ERF: variants seen among roughly 807,000 people sequenced by gnomAD.
ERF encodes ETS domain-containing transcription factor ERF.
In ERF, 10 loss-of-function variants were observed where a neutral mutation model predicts 41.6. The ratio of observed to expected loss-of-function variants is 0.24; its 90% CI spans 0.15 to 0.41. The LOEUF (loss-of-function observed/expected upper bound fraction) is 0.41. ERF is among the 10% of genes least tolerant of loss of function. ERF has a pLI of 1.00. For synonymous variants in ERF, 395 were observed against 342.4 expected (o/e 1.15, Z -1.70); for missense variants, 621 against 763.2 (o/e 0.81, Z 2.19).
Position 42,250,129 on chromosome 19 carries a change from T to G in ERF, c.258-187A>C. 3 of 743,010 alleles carry G rather than the reference T, an allele frequency of 4.0e-6. No individual in the cohort carries two copies. Among genetic ancestry groups the G allele is most frequent in the African/African-American group, 3.5e-5 (2 of 57,132 alleles). The allele number at this position is 743,010 out of a possible 1,614,324, so 46.0% of individuals were successfully genotyped here. ...TCACATCTAAGGCAGGACTAGAGGA[T>G]CCACTGGTGACTGTAATCTCTCCTC... On this transcript the variant is annotated intron_variant, in intron 2 of 3. Transcript: ENST00000222329. This position sits in a 1 kb window ranked among gnomAD's most constrained non-coding sequence, Gnocchi z 5.1.
In ERF at chr19:42,250,716, G is replaced by A. The variant is rs969447755; in HGVS notation, c.23-151C>T. On this transcript the variant is annotated intron_variant, in intron 1 of 3. Transcript: ENST00000222329. This position sits in a 1 kb window ranked among gnomAD's most constrained non-coding sequence, Gnocchi z 5.1. Reference sequence around the variant, plus strand: ...AAGATCTGATTTAAGAGAAGACAGTGCGTGTCTGTCTGTCTGCATGTGAGG... The same window carrying A: ...AAGATCTGATTTAAGAGAAGACAGTACGTGTCTGTCTGTCTGCATGTGAGG... The A allele has an allele frequency of 3.8e-5, 30 of 783,034 alleles. No homozygotes were observed. Among genetic ancestry groups the A allele is most frequent in the Non-Finnish European group, 5.1e-5 (25 of 493,592 alleles). The allele number at this position is 783,034 out of a possible 1,614,324, so 48.5% of individuals were successfully genotyped here. A position where few individuals can be genotyped will look rare whatever the true frequency, so the allele number is the denominator to read the frequency against.
At chr19:42,253,990 G>A in intron 1 of ERF, 6 of 974,806 alleles carry the variant, frequency 6.2e-6, no homozygotes, top group Non-Finnish European at 7.3e-6. Context: ...GGGGGCGGCT[G>A]GGACCCCTCC....
chr19:42,255,004 G>C lies in ERF; in HGVS notation c.-5C>G, dbSNP rs755890191. ...TGTGTCCGCCGGGGTCTTCATGCTG[G>C]GGGGCCCGGGGCGAAGCGCCCCGAT... On this transcript the variant is annotated 5_prime_UTR_variant, in exon 1 of 4. Coordinates refer to ENST00000222329, the MANE Select transcript of ERF (RefSeq NM_006494.4). The C allele has an allele frequency of 2.1e-6, 3 of 1,441,208 alleles. No individual in the cohort carries two copies. The allele number at this position is 1,441,208 out of a possible 1,614,324, so 89.3% of individuals were successfully genotyped here. A position where few individuals can be genotyped will look rare whatever the true frequency, so the allele number is the denominator to read the frequency against.
At chr19:42,253,322 TGGA>T (rs1315860400) in intron 1 of ERF, among the ~76,000 whole-genome samples, 1 of 151,822 alleles carries the variant, frequency 6.6e-6, no homozygotes, top group Non-Finnish European at 1.5e-5. Context: ...GGGACCGGGA[TGGA>T]GAACTGGATG....
chr19:42,252,857 G>T (rs548311764), intron 1 of ERF, among the ~76,000 whole-genome samples: 1 of 152,264 alleles, frequency 6.6e-6, no homozygotes, highest in Non-Finnish European at 1.5e-5. Context: ...GCGTCCACGT[G>T]CTTAAAACAG....
chr19:42,254,033 G>T, intron 1 of ERF: 1 of 693,016 alleles, frequency 1.4e-6, no homozygotes, highest in Non-Finnish European at 1.8e-6. Flanking sequence ...TCCAGCCCGC[G>T]CGAGCCCGGG....
intron 1 of ERF, among the ~76,000 whole-genome samples, chr19:42,251,925 T>C (rs886675274): frequency 2.0e-5 from 3 of 151,932 alleles, no homozygotes; most frequent in African/African-American, 2.4e-5. Flanking sequence ...CATTCAGATA[T>C]ATCCCAGCCT....
intron 1 of ERF, among the ~76,000 whole-genome samples, chr19:42,253,519 T>C (rs1196227807): frequency 1.3e-5 from 2 of 151,760 alleles, no homozygotes; most frequent in East Asian, 3.9e-4. Context: ...GGAGAGAAGA[T>C]GAAGCGAGGT....
At chr19:42,253,216 CT>C (rs1374738648) in intron 1 of ERF, among the ~76,000 whole-genome samples, 1 of 152,166 alleles carries the variant, frequency 6.6e-6, no homozygotes, top group Non-Finnish European at 1.5e-5. Flanking sequence ...CGCCGGCCTC[CT>C]GGGGGGCCCC....
chr19:42,251,190 G>A (rs2036439623), intron 1 of ERF: 1 of 980,278 alleles, frequency 1.0e-6, no homozygotes, highest in African/African-American at 1.8e-5. Flanking sequence ...CAGACTGTCT[G>A]AGAGGCCCCC....
intron 1 of ERF, chr19:42,251,395 T>C (rs1359891854): frequency 2.1e-6 from 2 of 954,238 alleles, no homozygotes; most frequent in Non-Finnish European, 2.4e-6. Flanking sequence ...TAACCTTGGG[T>C]AGAGGTTGGC....
At chr19:42,251,960 G>A (rs2036452462) in intron 1 of ERF, among the ~76,000 whole-genome samples, 1 of 152,002 alleles carries the variant, frequency 6.6e-6, no homozygotes, top group South Asian at 2.1e-4. Context: ...AGGGTGCCAG[G>A]GATATGACCT....
chr19:42,253,926 C>A, intron 1 of ERF: 2 of 1,048,802 alleles, frequency 1.9e-6, no homozygotes, highest in Middle Eastern at 4.7e-4. Context: ...GCCCGGCCCC[C>A]TTCCCCCTCC....
chr19:42,254,040 C>A (rs1435158555), intron 1 of ERF: 1 of 529,344 alleles, frequency 1.9e-6, no homozygotes, highest in South Asian at 7.7e-5. Flanking sequence ...CGCGCGAGCC[C>A]GGGGGCGGCG....
intron 1 of ERF, among the ~76,000 whole-genome samples, chr19:42,252,793 T>TGGAGCCA (rs2036466176): frequency 6.6e-6 from 1 of 152,076 alleles, no homozygotes; most frequent in African/African-American, 2.4e-5. Flanking sequence ...CCCCAGGCCT[T>TGGAGCCA]GGAGCCAGGA....
chr19:42,254,110 C>A (rs1351966724), intron 1 of ERF, among the ~76,000 whole-genome samples: 1 of 151,602 alleles, frequency 6.6e-6, no homozygotes, highest in Non-Finnish European at 1.5e-5. Flanking sequence ...GCCCCCCGCC[C>A]GCCGACCGAG....
rs1286494808 is a variant in ERF, at chr19:42,248,652, C to T, written c.1460G>A (p.Arg487His). The T allele has an allele frequency of 1.2e-6, 2 of 1,600,584 alleles. No homozygotes were observed. The highest frequency in any genetic ancestry group is 1.7e-5 in the Admixed American group (1 of 59,194). The change falls in exon 4 of 4, where the codon CGC becomes CAC. Residue 487 changes from arginine to histidine, a missense_variant. Arg to His is a conservative substitution (Grantham distance 29, BLOSUM62 0). Around this residue, in one of 3 missense-constraint regions of ERF, gnomAD observed 569 missense variants for 625.5 expected, o/e 0.91. Transcript: ENST00000222329. The surrounding 1 kb of genome is among the most constrained non-coding windows in gnomAD (Gnocchi z 4.2). ...TTCGAGGCGACAGTCTTCACTCCAGCGCCGCTTAAAGCGTAGCTTGAGGGG... is the reference window on the plus strand; with the variant it reads ...TTCGAGGCGACAGTCTTCACTCCAGTGCCGCTTAAAGCGTAGCTTGAGGGG... ...CMPLKLRFKR[R>H]WSEDCRLEGG...
chr19:42,252,071 G>A (rs968970303), intron 1 of ERF, among the ~76,000 whole-genome samples: 3 of 152,122 alleles, frequency 2.0e-5, no homozygotes, highest in African/African-American at 7.2e-5. Flanking sequence ...CGCTCTCTTG[G>A]GAATCTAGGT....
At position 42,248,789 on chromosome 19, in the gene ERF, A is replaced by C; in HGVS notation, c.1323T>G (p.Thr441=). 6.2e-7 allele frequency: 1 copy of C among 1,613,350 alleles called. No individual in the cohort carries two copies. Among genetic ancestry groups the C allele is most frequent in the Non-Finnish European group, 8.5e-7 (1 of 1,179,912 alleles). Residue 441 remains threonine (T), a synonymous_variant, in exon 4 of 4, where the codon ACT becomes ACG. Transcript: ENST00000222329. This position sits in a 1 kb window ranked among gnomAD's most constrained non-coding sequence, Gnocchi z 4.2. The part of the protein sequence containing the change: ...SEGESEEVEV[T]DISDEDEEDG... ...CTTCCTCATCCTCATCACTGATGTC[A>C]GTCACCTCTACCTCCTCCGACTCGC...
Sources: allele counts gnomAD v4.1 joint callset (sites outside exome capture counted in the v4.1 genomes callset), GRCh38; gene constraint gnomAD v4.1.1; regional missense constraint gnomAD v4.1.1; non-coding constraint Gnocchi (gnomAD v3.1); transcripts MANE v1.5; gene names NCBI Gene and HGNC (gene_info 2026-07-23, HGNC 2026-07-21).